The following RASEF variants were observed in gnomAD, a reference collection of about 807,000 sequenced individuals.
The protein encoded by RASEF is RAS and EF-hand domain containing.
In RASEF, 68 loss-of-function variants were observed where a neutral mutation model predicts 90.1. That is an observed-to-expected ratio of 0.75 (90% CI 0.62 to 0.92). RASEF has a LOEUF of 0.92. Among genes scored for constraint, RASEF ranks in the 40% least tolerant of loss-of-function variants. The pLI is 0.00. For missense variants in RASEF, 949 were observed against 937.2 expected (o/e 1.01, Z -0.16); for synonymous variants, 331 against 345.2 (o/e 0.96, Z 0.46).
At chr9:83,066,651 C>A (rs1830284171), upstream of RASEF, among the ~76,000 whole-genome samples, 2 of 152,178 alleles carry the variant, frequency 1.3e-5, no homozygotes. Flanking sequence ...TCCTCTCTGG[C>A]TGCTCAAAGA....
the RASEF span, among the ~76,000 whole-genome samples, chr9:83,199,573 C>G: frequency 6.6e-6 from 1 of 152,186 alleles, no homozygotes; most frequent in Non-Finnish European, 1.5e-5. Flanking sequence ...TCTAAATCCT[C>G]TTACGCAGTT....
chr9:83,101,534 C>A, the RASEF span, among the ~76,000 whole-genome samples: 19 of 152,150 alleles, frequency 1.2e-4, no homozygotes, highest in Non-Finnish European at 2.5e-4. Flanking sequence ...GGAAAGCCTG[C>A]ATTATAAAGT....
chr9:83,047,356 T>C (rs1212238391), intron 1 of RASEF, among the ~76,000 whole-genome samples: 1 of 152,174 alleles, frequency 6.6e-6, no homozygotes, highest in African/African-American at 2.4e-5. Context: ...TTCTTAGCCC[T>C]AAAATACAAC....
At chr9:83,021,888 A>G (rs186565796) in intron 3 of RASEF, among the ~76,000 whole-genome samples, 30 of 152,290 alleles carry the variant, frequency 2.0e-4, no homozygotes, top group African/African-American at 7.0e-4. Context: ...ATAAAACACC[A>G]AAGTTTGAAG....
chr9:83,186,635 T>C, the RASEF span, among the ~76,000 whole-genome samples: 1 of 152,010 alleles, frequency 6.6e-6, no homozygotes, highest in Non-Finnish European at 1.5e-5. Context: ...AGAATCCCCA[T>C]AATGTTGGGG....
chr9:83,049,253 T>C, intron 1 of RASEF: 1 of 948,916 alleles, frequency 1.1e-6, no homozygotes, highest in Non-Finnish European at 1.3e-6. Flanking sequence ...CATCAGTACA[T>C]TTCTAAAATC....
the RASEF span, among the ~76,000 whole-genome samples, chr9:83,217,561 T>C: frequency 6.6e-6 from 1 of 152,186 alleles, no homozygotes; most frequent in Admixed American, 6.5e-5. Flanking sequence ...CTCACTACCA[T>C]GGTTTTATAA....
At chr9:83,133,990 G>A in the RASEF span, among the ~76,000 whole-genome samples, 2 of 152,014 alleles carry the variant, frequency 1.3e-5, no homozygotes, top group African/African-American at 4.8e-5. Flanking sequence ...TCTACTTATC[G>A]AAGCAAATCA....
chr9:83,128,773 C>T, the RASEF span, among the ~76,000 whole-genome samples: 1 of 152,184 alleles, frequency 6.6e-6, no homozygotes, highest in Admixed American at 6.5e-5. Flanking sequence ...CAGCCACCAG[C>T]TGAGCCAGTG....
At chr9:83,120,193 C>T in the RASEF span, among the ~76,000 whole-genome samples, 1 of 152,170 alleles carries the variant, frequency 6.6e-6, no homozygotes, top group Admixed American at 6.5e-5. Flanking sequence ...AGATGGAAAA[C>T]TAAAACTGCT....
chr9:83,141,143 CAA>C, the RASEF span, among the ~76,000 whole-genome samples: 10 of 108,870 alleles, frequency 9.2e-5, no homozygotes, highest in Admixed American at 9.8e-5. Context: ...AATTCCATCT[CAA>C]AAAAAAAAAA....
the RASEF span, among the ~76,000 whole-genome samples, chr9:83,162,884 A>T: frequency 1.3e-5 from 2 of 152,206 alleles, no homozygotes; most frequent in Non-Finnish European, 2.9e-5. Context: ...GAGCCCCCAC[A>T]CATGGTTGAA....
At chr9:83,104,807 A>G in the RASEF span, among the ~76,000 whole-genome samples, 1 of 152,238 alleles carries the variant, frequency 6.6e-6, no homozygotes, top group Non-Finnish European at 1.5e-5. Flanking sequence ...TAGTTCTCTA[A>G]AAACATTTAA....
chr9:82,979,615 T>A lies in RASEF; in HGVS notation c.*3062A>T, dbSNP rs1255036832. Reference sequence around the variant, plus strand: ...GCCAAAGGAAGCAAGCTTTATTGAATTTACAACGTAGAAAATATTTGTAGT... The same window carrying A: ...GCCAAAGGAAGCAAGCTTTATTGAAATTACAACGTAGAAAATATTTGTAGT... On this transcript the variant is annotated 3_prime_UTR_variant, in exon 17 of 17. Coordinates refer to ENST00000376447, the MANE Select transcript of RASEF (RefSeq NM_152573.4). 1 of 152,198 alleles carries A rather than the reference T, an allele frequency of 6.6e-6. No individual in the cohort carries two copies. Among genetic ancestry groups the A allele is most frequent in the African/African-American group, 2.4e-5 (1 of 41,454 alleles). 9.4% of individuals were successfully genotyped at this position (152,198 alleles called of 1,614,324 possible).
chr9:83,049,350 C>T, intron 1 of RASEF: 1 of 985,112 alleles, frequency 1.0e-6, no homozygotes, highest in Non-Finnish European at 1.2e-6. Flanking sequence ...TACATCTCCA[C>T]AGTCAATGTC....
chr9:83,172,426 T>C, the RASEF span, among the ~76,000 whole-genome samples: 1 of 151,838 alleles, frequency 6.6e-6, no homozygotes, highest in South Asian at 2.1e-4. Context: ...ATTTTTTTTC[T>C]GGTTGTTTTG....
At chr9:83,083,553 C>T in the RASEF span, among the ~76,000 whole-genome samples, 5 of 152,068 alleles carry the variant, frequency 3.3e-5, no homozygotes, top group Non-Finnish European at 5.9e-5. Flanking sequence ...ACAAGATGTA[C>T]ATTTCAACAA....
At chr9:83,158,080 G>T in the RASEF span, among the ~76,000 whole-genome samples, 1 of 152,090 alleles carries the variant, frequency 6.6e-6, no homozygotes. Context: ...GTTCATTTTT[G>T]AGTCCACGTT....
At chr9:83,004,415 T>TTCTATTCTATTA in intron 9 of RASEF, 83 bp downstream of exon 9, 1 of 752,896 alleles carries the variant, frequency 1.3e-6, no homozygotes, top group Non-Finnish European at 2.3e-6. Context: ...TATTCTATTA[T>TTCTATTCTATTA]TTTAATCCAC....
Sources: allele counts gnomAD v4.1 joint callset (sites outside exome capture counted in the v4.1 genomes callset), GRCh38; gene constraint gnomAD v4.1.1; transcripts MANE v1.5; gene names NCBI Gene and HGNC (gene_info 2026-07-23, HGNC 2026-07-21).